ZDHHC15: variants seen among roughly 807,000 people sequenced by gnomAD.
ZDHHC15 encodes the protein palmitoyltransferase ZDHHC15.
Under a neutral mutation model 31.7 loss-of-function variants are expected in ZDHHC15, and 19 were observed. The observed-to-expected ratio is 0.60, with a 90% confidence interval of 0.42 to 0.88. The LOEUF (loss-of-function observed/expected upper bound fraction) is 0.88. Among genes scored for constraint, ZDHHC15 ranks in the 40% least tolerant of loss-of-function variants. ZDHHC15 has a pLI of 0.00. For synonymous variants in ZDHHC15, 103 were observed against 90.0 expected, an observed-to-expected ratio of 1.14 and a Z score of -0.82; for missense variants, 209 against 251.2, an observed-to-expected ratio of 0.83 and a Z score of 1.14.
chrX:75,377,351 G>A (rs951194220), intron 11 of ZDHHC15, among the ~76,000 whole-genome samples: 1 of 109,976 alleles, frequency 9.1e-6, no homozygotes, highest in Non-Finnish European at 1.9e-5. Context: ...ACAAAAAGCA[G>A]CCGGGCGTGG....
At position 75,429,144 on chromosome X, in the gene ZDHHC15, A is replaced by C. The variant is rs759309135; in HGVS notation, c.537T>G (p.Ala179=). The change falls in exon 7 of 12, where the codon GCT becomes GCG. Residue 179 remains alanine, a synonymous_variant. Transcript: ENST00000373367. ...TGTACAGGCAGTAGAGAACAGAGTA[A>C]GCTAAGAATTGAAGGAAGAATTTGT... ...SNYKFFLQFL[A]YSVLYCLYIA... 4 of 1,208,136 alleles carry C rather than the reference A, an allele frequency of 3.3e-6. No homozygotes were observed. Among genetic ancestry groups the C allele is most frequent in the Non-Finnish European group, 4.5e-6 (4 of 893,938 alleles).
At chrX:75,384,726 A>G (rs764112309) in intron 10 of ZDHHC15, 11 of 837,201 alleles carry the variant, frequency 1.3e-5, no homozygotes, top group Non-Finnish European at 1.8e-5. Flanking sequence ...CCTGTGTTCA[A>G]CTAAAGTGCC....
intron 10 of ZDHHC15, chrX:75,384,693 G>T (rs1260958761): frequency 9.8e-6 from 8 of 812,967 alleles, no homozygotes; most frequent in Non-Finnish European, 1.3e-5. Flanking sequence ...ATCAGAGAAA[G>T]AAATAAGCCA....
At position 75,379,130 on chromosome X, in the gene ZDHHC15, G is replaced by T; in HGVS notation, c.*22C>A. On this transcript the variant is annotated 3_prime_UTR_variant, in exon 11 of 12. Coordinates refer to ENST00000373367, the MANE Select transcript of ZDHHC15 (RefSeq NM_144969.3). ...CCTCAGAATACTGACCTGTCTGAGAGATGCAGGAAATGTGAAAACTGCTAT... is the reference window on the plus strand; with the variant it reads ...CCTCAGAATACTGACCTGTCTGAGATATGCAGGAAATGTGAAAACTGCTAT... The T allele has an allele frequency of 8.3e-7, 1 of 1,209,476 alleles. No homozygotes were observed. The highest frequency in any genetic ancestry group is 1.1e-6 in the Non-Finnish European group (1 of 893,431).
chrX:75,509,912 T>C (rs1163677468), intron 1 of ZDHHC15, among the ~76,000 whole-genome samples: 2 of 112,260 alleles, frequency 1.8e-5, no homozygotes, highest in African/African-American at 6.5e-5. Context: ...GAGTTACATA[T>C]GATGGTATTA....
intron 11 of ZDHHC15, among the ~76,000 whole-genome samples, chrX:75,375,591 T>G (rs1030122074): frequency 1.8e-5 from 2 of 111,305 alleles, no homozygotes; most frequent in East Asian, 5.6e-4. Flanking sequence ...CCACAGTGTC[T>G]ATTGTTGCCA....
intron 1 of ZDHHC15, among the ~76,000 whole-genome samples, chrX:75,517,680 A>C (rs1028154022): frequency 9.2e-6 from 1 of 109,106 alleles, no homozygotes; most frequent in Non-Finnish European, 1.9e-5. Context: ...TGGCACATGT[A>C]TACATATGTA....
chrX:75,452,156 C>T (rs918955532), intron 3 of ZDHHC15, among the ~76,000 whole-genome samples: 2 of 101,966 alleles, frequency 2.0e-5, no homozygotes, highest in Non-Finnish European at 3.9e-5. Context: ...CAGAGACACA[C>T]ATAGGCTCAA....
intron 9 of ZDHHC15, among the ~76,000 whole-genome samples, chrX:75,419,957 G>T (rs1179908813): frequency 2.9e-5 from 2 of 69,170 alleles, no homozygotes; most frequent in Non-Finnish European, 5.2e-5. Flanking sequence ...TGTGGGGTGG[G>T]GGGAGGGGGG....
intron 2 of ZDHHC15, among the ~76,000 whole-genome samples, chrX:75,480,778 T>C (rs1334263584): frequency 8.9e-6 from 1 of 111,783 alleles, no homozygotes; most frequent in Non-Finnish European, 1.9e-5. Context: ...CTCTTGCTAA[T>C]ACAAATAATG....
rs777117812 is a variant in ZDHHC15 at position 75,372,081 on chromosome X, C to A, written c.*897G>T. Reference sequence around the variant, plus strand: ...GAAAACCCTTAACAAAACCTATGGGCCATAACTTAGGCTTATAGATTTTCT... The same window carrying A: ...GAAAACCCTTAACAAAACCTATGGGACATAACTTAGGCTTATAGATTTTCT... On this transcript the variant is annotated 3_prime_UTR_variant, in exon 12 of 12. Coordinates refer to ENST00000373367, the MANE Select transcript of ZDHHC15 (RefSeq NM_144969.3). The A allele has an allele frequency of 9.0e-6, 1 of 111,609 alleles. No individual in the cohort carries two copies. The highest frequency in any genetic ancestry group is 3.8e-4 in the South Asian group (1 of 2,656). The allele number at this position is 111,609 out of a possible 1,213,427, so 9.2% of individuals were successfully genotyped here.
intron 10 of ZDHHC15, among the ~76,000 whole-genome samples, chrX:75,381,999 C>T (rs1371929853): frequency 8.9e-6 from 1 of 112,051 alleles, no homozygotes; most frequent in African/African-American, 3.2e-5. Flanking sequence ...TACTGATATA[C>T]TCAGGTTTAA....
intron 3 of ZDHHC15, among the ~76,000 whole-genome samples, chrX:75,477,171 A>C (rs774238311): frequency 1.7e-3 from 189 of 111,813 alleles, no homozygotes; most frequent in Middle Eastern, 4.6e-3. Context: ...CATATTTATG[A>C]AACTGTAGAT....
chrX:75,429,989 G>A lies in ZDHHC15; in HGVS notation c.450-9C>T. The stretch of plus-strand genomic sequence containing the variant: ...CCATTTTTAACACACACCTACGAAG[G>A]GGACAAAATACAGTGTGATAAGTGA... On this transcript the variant is annotated splice_polypyrimidine_tract_variant and intron_variant, in intron 5 of 11. Coordinates refer to ENST00000373367, the MANE Select transcript of ZDHHC15 (RefSeq NM_144969.3). 8.3e-7 allele frequency: 1 copy of A among 1,205,837 alleles called. No homozygotes were observed.
intron 2 of ZDHHC15, among the ~76,000 whole-genome samples, chrX:75,481,213 T>C (rs1465859864): frequency 2.7e-5 from 3 of 111,725 alleles, no homozygotes; most frequent in Admixed American, 1.9e-4. Context: ...TCCTTCAGTA[T>C]GGGAGTGTGA....
Position 75,465,138 on chromosome X carries a change from G to A in ZDHHC15, c.258+13753C>T, listed in dbSNP as rs149978968. Among the ~76,000 whole-genome samples the A allele has an allele frequency of 2.9e-3, 323 of 111,775 alleles. 1 individual carries two copies. Among genetic ancestry groups the A allele is most frequent in the African/African-American group, 0.01 (315 of 30,783 alleles). On this transcript the variant is annotated intron_variant, in intron 3 of 11. Transcript: ENST00000373367. ...GATACAAAATTAATGTGCAAAAATCGCTAGCCTTCCTATACATCAACAACT... is the reference window on the plus strand; with the variant it reads ...GATACAAAATTAATGTGCAAAAATCACTAGCCTTCCTATACATCAACAACT...
chrX:75,402,736 G>A (rs2083370535), intron 10 of ZDHHC15, among the ~76,000 whole-genome samples: 1 of 111,319 alleles, frequency 9.0e-6, no homozygotes, highest in Non-Finnish European at 1.9e-5. Flanking sequence ...AATTGAATCA[G>A]TAATAAACAG....
intron 3 of ZDHHC15, among the ~76,000 whole-genome samples, chrX:75,461,097 CGACAT>C (rs1001149681): frequency 5.4e-5 from 6 of 111,682 alleles, no homozygotes; most frequent in African/African-American, 2.0e-4. Flanking sequence ...GGAATATAAC[CGACAT>C]GACGGAGCTA....
At chrX:75,393,158 A>G (rs1448551720) in intron 10 of ZDHHC15, among the ~76,000 whole-genome samples, 2 of 111,150 alleles carry the variant, frequency 1.8e-5, no homozygotes, top group Admixed American at 9.6e-5. Flanking sequence ...GTCTGGGTCA[A>G]TCACCCCAGA....
Sources: gnomAD v4.1 joint callset for allele counts (sites outside exome capture counted in the v4.1 genomes callset) on GRCh38, gnomAD v4.1.1 for gene constraint, MANE v1.5 for transcripts, NCBI Gene and HGNC (gene_info 2026-07-23, HGNC 2026-07-21) for gene names.